ZC3H11A: variants seen among roughly 807,000 people sequenced by gnomAD.
ZC3H11A encodes zinc finger CCCH domain-containing protein 11A.
Under a neutral mutation model 90.8 loss-of-function variants are expected in ZC3H11A, and 22 were observed. The observed-to-expected ratio is 0.24, with a 90% CI of 0.17 to 0.35. ZC3H11A has a LOEUF of 0.35. ZC3H11A is among the 10% of genes least tolerant of loss of function. ZC3H11A has a pLI of 1.00. For synonymous variants in ZC3H11A, 294 were observed against 339.8 expected, an observed-to-expected ratio of 0.87 and a Z score of 1.48; for missense variants, 701 against 964.9, an observed-to-expected ratio of 0.73 and a Z score of 3.62.
At chr1:203,845,760 G>A (rs1402366150) in intron 12 of ZC3H11A, among the ~76,000 whole-genome samples, 3 of 152,136 alleles carry the variant, frequency 2.0e-5, no homozygotes, top group African/African-American at 7.2e-5. Flanking sequence ...AGCTACTTGG[G>A]AGGCTGAGGC....
chr1:203,840,525 T>C (rs577199784), intron 12 of ZC3H11A, 151 bp downstream of exon 12: 7 of 672,888 alleles, frequency 1.0e-5, no homozygotes, highest in Non-Finnish European at 1.4e-5. Flanking sequence ...TCAAGTCAGC[T>C]CAGACTCAAC....
chr1:203,818,458 A>C, intron 3 of ZC3H11A, 112 bp from the exon 4 acceptor site: 4 of 1,396,618 alleles, frequency 2.9e-6, no homozygotes, highest in Non-Finnish European at 3.9e-6. Context: ...TTACCTTACC[A>C]GTCCTTTCTT....
In ZC3H11A at chr1:203,824,295, G is replaced by C. The variant is rs990589627; in HGVS notation, c.175-4004G>C. Among the ~76,000 whole-genome samples the C allele has an allele frequency of 9.2e-5, 14 of 151,362 alleles. 1 individual carries two copies. The highest frequency in any genetic ancestry group is 9.2e-4 in the Admixed American group (14 of 15,148). The stretch of plus-strand genomic sequence containing the variant: ...AAATTAAAAAAAAAAAAAAAAGAGG[G>C]AAAATAATTTATATTTGTTTTTCAC... On this transcript the variant is annotated intron_variant, in intron 4 of 17. Transcript: ENST00000367210.
chr1:203,842,386 C>T (rs2103292776), intron 12 of ZC3H11A, among the ~76,000 whole-genome samples: 1 of 152,326 alleles, frequency 6.6e-6, no homozygotes, highest in East Asian at 1.9e-4. Context: ...CACTCGCGGT[C>T]AGGAGCTGGA....
intron 1 of ZC3H11A, chr1:203,798,108 G>C: frequency 1.3e-6 from 2 of 1,535,736 alleles, no homozygotes; most frequent in Non-Finnish European, 1.7e-6. Context: ...TGCTAGTGGA[G>C]AGGAGGACTT....
chr1:203,811,459 G>T (rs936228114), intron 2 of ZC3H11A, among the ~76,000 whole-genome samples: 6 of 152,094 alleles, frequency 3.9e-5, no homozygotes, highest in African/African-American at 9.7e-5. Context: ...ATGTTCTTTG[G>T]AATATTGATT....
At chr1:203,797,606 G>T (rs1440477269) in intron 1 of ZC3H11A, 1 of 1,535,300 alleles carries the variant, frequency 6.5e-7, no homozygotes, top group African/African-American at 1.4e-5. Context: ...CTGGGATTCT[G>T]GGATGTGTTC....
chr1:203,846,005 G>A (rs1687788185), intron 12 of ZC3H11A, among the ~76,000 whole-genome samples: 1 of 151,456 alleles, frequency 6.6e-6, no homozygotes, highest in South Asian at 2.1e-4. Flanking sequence ...GACTGGGTAT[G>A]GTGGCTCACA....
intron 12 of ZC3H11A, among the ~76,000 whole-genome samples, chr1:203,844,279 A>C (rs1296448621): frequency 6.6e-6 from 1 of 152,196 alleles, no homozygotes; most frequent in Non-Finnish European, 1.5e-5. Context: ...CTCCTGTCTC[A>C]GCCTCCCGAG....
chr1:203,809,262 G>A (rs1373268283), intron 2 of ZC3H11A, among the ~76,000 whole-genome samples: 2 of 124,466 alleles, frequency 1.6e-5, no homozygotes, highest in East Asian at 2.8e-4. Context: ...TGCAACCTCC[G>A]CCTCCAGGGT....
rs74546279 is a variant in ZC3H11A, at chr1:203,804,152, GT to G, written c.-146+1153del. Among the ~76,000 whole-genome samples the G allele has an allele frequency of 6.4e-3, 678 of 105,130 alleles. 2 individuals carry two copies. The highest frequency in any genetic ancestry group is 0.042 in the East Asian group (192 of 4,596). 69.0% of individuals were successfully genotyped at this position (105,130 alleles called of 152,430 possible). On this transcript the variant is annotated intron_variant, in intron 2 of 17. Coordinates refer to ENST00000367210, the MANE Select transcript of ZC3H11A (RefSeq NM_001376342.1). ...TTCTTCATTTTCTTCCTGTATATGT[GT>G]TTTTTTTTTTTTTTTTGAGACAGAG...
chr1:203,833,506 G>A (rs1683144680), intron 9 of ZC3H11A, among the ~76,000 whole-genome samples: 1 of 151,774 alleles, frequency 6.6e-6, no homozygotes, highest in Admixed American at 6.6e-5. Context: ...ACTCCAGCCT[G>A]AGTGACAGAG....
intron 12 of ZC3H11A, among the ~76,000 whole-genome samples, chr1:203,845,084 C>T (rs867068199): frequency 3.9e-5 from 6 of 152,114 alleles, no homozygotes; most frequent in South Asian, 2.1e-4. Flanking sequence ...TTTCCTTTGA[C>T]TGTATTGGGA....
intron 12 of ZC3H11A, among the ~76,000 whole-genome samples, chr1:203,845,160 G>A (rs1017927810): frequency 6.6e-6 from 1 of 152,102 alleles, no homozygotes; most frequent in Non-Finnish European, 1.5e-5. Context: ...TCAGACATCT[G>A]CTTTCTGTTT....
intron 2 of ZC3H11A, chr1:203,805,920 C>G: frequency 1.5e-6 from 1 of 667,288 alleles, no homozygotes; most frequent in South Asian, 1.4e-5. Context: ...GCTTGTCTAC[C>G]TTCATTTCCT....
At chr1:203,839,259 G>A (rs143743763) in intron 11 of ZC3H11A, among the ~76,000 whole-genome samples, 54 of 152,306 alleles carry the variant, frequency 3.5e-4, no homozygotes, top group African/African-American at 1.2e-3. Context: ...TGCCTAGGCT[G>A]GATTCAAATT....
chr1:203,819,370 T>G (rs1677624206), intron 4 of ZC3H11A, among the ~76,000 whole-genome samples: 1 of 141,176 alleles, frequency 7.1e-6, no homozygotes, highest in Non-Finnish European at 1.5e-5. Context: ...TACAGGCACC[T>G]GCCACCATGG....
chr1:203,829,535 A>C lies in ZC3H11A; in HGVS notation c.383A>C (p.Gln128Pro). 1 of 1,614,070 alleles carries C rather than the reference A, an allele frequency of 6.2e-7. No individual in the cohort carries two copies. The highest frequency in any genetic ancestry group is 1.1e-5 in the South Asian group (1 of 91,076). The change falls in exon 6 of 18, where the codon CAG becomes CCG. Residue 128 changes from glutamine to proline, a missense_variant. Coordinates refer to ENST00000367210, the MANE Select transcript of ZC3H11A (RefSeq NM_001376342.1). ...GTTCAGCAGAACAAATTGTCTGTCC[A>C]GTCCAATCCTTCCCCTCAGCTGCGG... ...LSVQQNKLSV[Q>P]SNPSPQLRSV...
At chr1:203,832,908 A>G (rs1460675281) in intron 9 of ZC3H11A, among the ~76,000 whole-genome samples, 1 of 152,138 alleles carries the variant, frequency 6.6e-6, no homozygotes, top group Non-Finnish European at 1.5e-5. Context: ...TAAGAATACA[A>G]TCTGTCTTAT....
Sources: allele counts gnomAD v4.1 joint callset (sites outside exome capture counted in the v4.1 genomes callset), GRCh38; gene constraint gnomAD v4.1.1; transcripts MANE v1.5; gene names NCBI Gene and HGNC (gene_info 2026-07-23, HGNC 2026-07-21).